IMMP2L: variants seen among roughly 807,000 people sequenced by gnomAD.
IMMP2L encodes the protein inner mitochondrial membrane peptidase subunit 2.
IMMP2L carries 18 observed loss-of-function variants against 19.3 expected under a neutral mutation model. The observed-to-expected ratio is 0.93, with a 90% CI of 0.64 to 1.38. The LOEUF (loss-of-function observed/expected upper bound fraction) is 1.38. IMMP2L is among the 40% of genes most tolerant of loss of function. The pLI is 0.00. For missense variants in IMMP2L, 233 were observed against 218.2 expected, an observed-to-expected ratio of 1.07 and a Z score of -0.43; for synonymous variants, 76 against 73.0, an observed-to-expected ratio of 1.04 and a Z score of -0.21.
chr7:110,961,111 T>C (rs1423333609), intron 4 of IMMP2L, among the ~76,000 whole-genome samples: 1 of 151,914 alleles, frequency 6.6e-6, no homozygotes, highest in Non-Finnish European at 1.5e-5. Flanking sequence ...ACAGCCACTT[T>C]CTAAAATAGT....
At chr7:111,436,364 A>T (rs1033231538) in intron 3 of IMMP2L, among the ~76,000 whole-genome samples, 2 of 151,728 alleles carry the variant, frequency 1.3e-5, no homozygotes, top group African/African-American at 4.9e-5. Context: ...AATACACTAC[A>T]CTCTAAAAAG....
chr7:111,143,313 C>A (rs749553025), intron 3 of IMMP2L, among the ~76,000 whole-genome samples: 1 of 152,080 alleles, frequency 6.6e-6, no homozygotes, highest in South Asian at 2.1e-4. Context: ...AATCCTACCC[C>A]CAACCCCCAA....
intron 3 of IMMP2L, among the ~76,000 whole-genome samples, chr7:111,152,310 A>G (rs1272598810): frequency 2.0e-5 from 3 of 152,070 alleles, no homozygotes; most frequent in Non-Finnish European, 4.4e-5. Context: ...TAATGTTACC[A>G]CTGCATTACC....
chr7:111,030,291 CTATAA>C (rs1827273103), intron 3 of IMMP2L, among the ~76,000 whole-genome samples: 1 of 151,972 alleles, frequency 6.6e-6, no homozygotes, highest in African/African-American at 2.4e-5. Flanking sequence ...AAAAAAAAGC[CTATAA>C]TATGTGCTAA....
intron 3 of IMMP2L, among the ~76,000 whole-genome samples, chr7:110,983,518 T>C (rs1267334561): frequency 6.6e-6 from 1 of 152,082 alleles, no homozygotes; most frequent in African/African-American, 2.4e-5. Flanking sequence ...TGTAACACCA[T>C]CACCAGGAGT....
At chr7:111,193,899 TC>T in intron 3 of IMMP2L, among the ~76,000 whole-genome samples, 1 of 152,194 alleles carries the variant, frequency 6.6e-6, no homozygotes, top group East Asian at 1.9e-4. Context: ...GTCCTACTCA[TC>T]AATTGACCTT....
At chr7:111,179,297 A>G (rs1807439361) in intron 3 of IMMP2L, among the ~76,000 whole-genome samples, 1 of 152,036 alleles carries the variant, frequency 6.6e-6, no homozygotes, top group African/African-American at 2.4e-5. Flanking sequence ...TGCAGCCCAC[A>G]GGCTGCATGC....
intron 4 of IMMP2L, among the ~76,000 whole-genome samples, chr7:110,957,851 ATT>A (rs1818519477): frequency 6.6e-6 from 1 of 151,674 alleles, no homozygotes. Flanking sequence ...GACCCTTACC[ATT>A]TCTCTCTACC....
At chr7:111,275,895 C>A (rs1489220165) in intron 3 of IMMP2L, among the ~76,000 whole-genome samples, 1 of 152,018 alleles carries the variant, frequency 6.6e-6, no homozygotes, top group Non-Finnish European at 1.5e-5. Context: ...AATTTTGTAT[C>A]CTGAAACTTT....
chr7:111,166,134 A>G (rs1805789637), intron 3 of IMMP2L, among the ~76,000 whole-genome samples: 1 of 151,996 alleles, frequency 6.6e-6, no homozygotes, highest in Non-Finnish European at 1.5e-5. Context: ...ATAATAATGG[A>G]AGGATTATTA....
chr7:111,224,125 G>A (rs541039394), intron 3 of IMMP2L, among the ~76,000 whole-genome samples: 2 of 152,124 alleles, frequency 1.3e-5, no homozygotes, highest in East Asian at 1.9e-4. Flanking sequence ...GGGTTTACTC[G>A]TGGAGATAAT....
intron 3 of IMMP2L, among the ~76,000 whole-genome samples, chr7:111,276,476 GA>G (rs1753800079): frequency 6.6e-6 from 1 of 152,002 alleles, no homozygotes; most frequent in African/African-American, 2.4e-5. Context: ...AAGTTAGGAA[GA>G]ATTCCCTCCC....
At chr7:110,808,050 G>T (rs182027270) in intron 5 of IMMP2L, among the ~76,000 whole-genome samples, 30 of 152,118 alleles carry the variant, frequency 2.0e-4, no homozygotes, top group Admixed American at 4.6e-4. Flanking sequence ...GATTGCCATG[G>T]AAGGAAAGTA....
intron 3 of IMMP2L, among the ~76,000 whole-genome samples, chr7:111,387,987 A>C (rs1038651814): frequency 2.7e-4 from 41 of 151,076 alleles, no homozygotes; most frequent in Non-Finnish European, 5.2e-4. Context: ...AAAAAAAAAA[A>C]AAAAAAAAAA....
At chr7:110,985,336 C>T (rs745611399) in intron 3 of IMMP2L, among the ~76,000 whole-genome samples, 5 of 152,114 alleles carry the variant, frequency 3.3e-5, no homozygotes, top group Non-Finnish European at 4.4e-5. Context: ...TTTTCTGTAA[C>T]TTGCTTGTTA....
At chr7:111,484,463 A>C (rs1005273649) in intron 3 of IMMP2L, among the ~76,000 whole-genome samples, 1 of 152,168 alleles carries the variant, frequency 6.6e-6, no homozygotes, top group Admixed American at 6.5e-5. Context: ...TTATCAATGA[A>C]GTATACTGTT....
chr7:111,135,857 T>C (rs892493575), intron 3 of IMMP2L, among the ~76,000 whole-genome samples: 12 of 152,126 alleles, frequency 7.9e-5, no homozygotes, highest in African/African-American at 2.9e-4. Context: ...TAATCCAGAC[T>C]AGAGCTGCCC....
chr7:111,375,668 G>T (rs945888187), intron 3 of IMMP2L, among the ~76,000 whole-genome samples: 1 of 152,000 alleles, frequency 6.6e-6, no homozygotes, highest in African/African-American at 2.4e-5. Flanking sequence ...AGGATTACAG[G>T]TGTGCGCCAC....
intron 3 of IMMP2L, among the ~76,000 whole-genome samples, chr7:111,018,787 TTTATTATTATTATTATTATTATTATTA>T (rs61180550): frequency 0.032 from 4,561 of 141,482 alleles, 158 homozygotes; most frequent in South Asian, 0.08. Flanking sequence ...TGTGTGTCTT[TTTATTATTATTATTATTATTATTATTA>T]TTATTATTAT....
Sources: gnomAD v4.1 joint callset for allele counts (sites outside exome capture counted in the v4.1 genomes callset) on GRCh38, gnomAD v4.1.1 for gene constraint, MANE v1.5 for transcripts, NCBI Gene and HGNC (gene_info 2026-07-23, HGNC 2026-07-21) for gene names.